The following SPATA17 variants were observed in gnomAD, a reference collection of about 807,000 sequenced individuals.
SPATA17 encodes spermatogenesis-associated protein 17.
In SPATA17, 53 loss-of-function variants were observed where a neutral mutation model predicts 62.2. The observed-to-expected ratio is 0.85, with a 90% confidence interval of 0.68 to 1.07. SPATA17 has a LOEUF of 1.07. Ranked by LOEUF, SPATA17 falls within the 50% of genes least tolerant of loss-of-function variation. The pLI is 0.00. For missense variants in SPATA17, 466 were observed against 425.5 expected, an observed-to-expected ratio of 1.10 and a Z score of -0.84; for synonymous variants, 146 against 146.8, an observed-to-expected ratio of 0.99 and a Z score of 0.04.
intron 9 of SPATA17, among the ~76,000 whole-genome samples, chr1:217,844,011 G>A (rs926841303): frequency 6.6e-6 from 1 of 152,116 alleles, no homozygotes; most frequent in Non-Finnish European, 1.5e-5. Flanking sequence ...AAGTCTGATG[G>A]TGTGGAGGCC....
At chr1:217,783,201 A>T (rs1344335045) in intron 8 of SPATA17, among the ~76,000 whole-genome samples, 2 of 151,264 alleles carry the variant, frequency 1.3e-5, no homozygotes, top group Non-Finnish European at 3.0e-5. Context: ...AAAATATTTT[A>T]AAAGTGTGTT....
chr1:217,720,862 C>A (rs1183069293), intron 5 of SPATA17, among the ~76,000 whole-genome samples: 1 of 151,988 alleles, frequency 6.6e-6, no homozygotes, highest in Non-Finnish European at 1.5e-5. Flanking sequence ...CACACTCCAG[C>A]GGAGAGGATG....
rs867440479 is a variant in SPATA17 at position 217,867,426 on chromosome 1, G to A, written c.*407G>A. 6.6e-6 allele frequency: 1 copy of A among 152,212 alleles called. No individual in the cohort carries two copies. Among genetic ancestry groups the A allele is most frequent in the African/African-American group, 2.4e-5 (1 of 41,452 alleles). The allele number at this position is 152,212 out of a possible 1,614,324, so 9.4% of individuals were successfully genotyped here. A position where few individuals can be genotyped will look rare whatever the true frequency, so the allele number is the denominator to read the frequency against. On this transcript the variant is annotated 3_prime_UTR_variant, in exon 11 of 11. Transcript: ENST00000366933. ...TTTGAAGTGTAAATTGTGTGAAATA[G>A]TTCAGCATGAAAGCTCTGCCCTGAG...
chr1:217,835,263 G>T (rs1012817175), intron 9 of SPATA17, among the ~76,000 whole-genome samples: 1 of 151,950 alleles, frequency 6.6e-6, no homozygotes, highest in African/African-American at 2.4e-5. Flanking sequence ...TATGTGTTTC[G>T]GGGTCTGCAT....
intron 9 of SPATA17, among the ~76,000 whole-genome samples, chr1:217,823,729 T>C (rs948363852): frequency 1.3e-5 from 2 of 152,024 alleles, no homozygotes; most frequent in Non-Finnish European, 2.9e-5. Flanking sequence ...CCTGTTGTTA[T>C]TGTATTGCAG....
chr1:217,786,693 T>C (rs1373020147), intron 8 of SPATA17, among the ~76,000 whole-genome samples: 2 of 152,128 alleles, frequency 1.3e-5, no homozygotes, highest in Non-Finnish European at 2.9e-5. Flanking sequence ...AGGATAAATA[T>C]TGCAGAAACT....
At chr1:217,792,029 G>C (rs1467860057) in intron 8 of SPATA17, among the ~76,000 whole-genome samples, 1 of 151,920 alleles carries the variant, frequency 6.6e-6, no homozygotes, top group Non-Finnish European at 1.5e-5. Context: ...GAATTGTCTT[G>C]GGCCACACAT....
At chr1:217,828,573 A>C (rs544759824) in intron 9 of SPATA17, among the ~76,000 whole-genome samples, 69 of 150,816 alleles carry the variant, frequency 4.6e-4, no homozygotes, top group Non-Finnish European at 9.5e-4. Context: ...AAAATAAATA[A>C]AATGGGACTA....
At chr1:217,710,522 T>G (rs1671834394) in intron 5 of SPATA17, among the ~76,000 whole-genome samples, 1 of 152,172 alleles carries the variant, frequency 6.6e-6, no homozygotes, top group Non-Finnish European at 1.5e-5. Flanking sequence ...GTAAATTTGT[T>G]ATTCATCAAA....
intron 9 of SPATA17, among the ~76,000 whole-genome samples, chr1:217,818,619 A>G (rs1674780069): frequency 6.6e-6 from 1 of 152,048 alleles, no homozygotes; most frequent in Admixed American, 6.6e-5. Context: ...TGGGAACATC[A>G]TCATATATGT....
chr1:217,862,118 T>C (rs1675908799), intron 9 of SPATA17, among the ~76,000 whole-genome samples: 1 of 152,132 alleles, frequency 6.6e-6, no homozygotes, highest in Non-Finnish European at 1.5e-5. Context: ...ATAGACCTCC[T>C]TTCCAAGAAG....
intron 3 of SPATA17, among the ~76,000 whole-genome samples, chr1:217,655,842 C>T (rs73107342): frequency 6.6e-6 from 1 of 152,072 alleles, no homozygotes; most frequent in African/African-American, 2.4e-5. Context: ...TTAACCAGGA[C>T]GACCAAGAAA....
intron 6 of SPATA17, among the ~76,000 whole-genome samples, chr1:217,742,716 C>T (rs1672650220): frequency 6.6e-6 from 1 of 152,054 alleles, no homozygotes; most frequent in African/African-American, 2.4e-5. Context: ...AAAAGAAATA[C>T]GGTTTTAAAA....
chr1:217,706,833 A>G (rs749404359), intron 5 of SPATA17, among the ~76,000 whole-genome samples: 1 of 149,582 alleles, frequency 6.7e-6, no homozygotes, highest in Admixed American at 6.6e-5. Flanking sequence ...CTATATTTCT[A>G]TTTATTATGT....
intron 9 of SPATA17, among the ~76,000 whole-genome samples, chr1:217,822,486 C>A (rs950918810): frequency 6.6e-6 from 1 of 150,680 alleles, no homozygotes; most frequent in Non-Finnish European, 1.5e-5. Context: ...TTTATCCTGC[C>A]TAGGATTCCT....
intron 4 of SPATA17, among the ~76,000 whole-genome samples, chr1:217,674,106 T>C (rs542504147): frequency 2.6e-4 from 39 of 152,256 alleles, no homozygotes; most frequent in African/African-American, 9.4e-4. Flanking sequence ...ATTTTTCCAA[T>C]AGAATGACTC....
chr1:217,729,710 AAC>A (rs1672356640), intron 5 of SPATA17, among the ~76,000 whole-genome samples: 1 of 152,178 alleles, frequency 6.6e-6, no homozygotes, highest in African/African-American at 2.4e-5. Flanking sequence ...TTGCCTTAAA[AAC>A]AGTCTGCCAT....
At chr1:217,796,107 A>G (rs1169605250) in intron 8 of SPATA17, among the ~76,000 whole-genome samples, 4 of 152,150 alleles carry the variant, frequency 2.6e-5, no homozygotes, top group Non-Finnish European at 5.9e-5. Context: ...TAAGTGATTT[A>G]TATAAGTCCG....
chr1:217,660,059 A>G (rs773168011), intron 3 of SPATA17, among the ~76,000 whole-genome samples: 1 of 152,158 alleles, frequency 6.6e-6, no homozygotes, highest in Admixed American at 6.5e-5. Context: ...CCATTGCCCA[A>G]ATATGCAGTG....
Sources: allele counts gnomAD v4.1 joint callset (sites outside exome capture counted in the v4.1 genomes callset), GRCh38; gene constraint gnomAD v4.1.1; transcripts MANE v1.5; gene names NCBI Gene and HGNC (gene_info 2026-07-23, HGNC 2026-07-21).